The following ACSS3 variants were observed in gnomAD, a reference collection of about 807,000 sequenced individuals.
ACSS3 encodes the protein acyl-CoA synthetase short chain family member 3.
Under a neutral mutation model 84.2 loss-of-function variants are expected in ACSS3, and 64 were observed. The observed-to-expected ratio is 0.76, with a 90% CI of 0.62 to 0.94. ACSS3 has a LOEUF of 0.94. Ranked by LOEUF, ACSS3 falls within the 40% of genes least tolerant of loss-of-function variation. The pLI is 0.00. For missense variants in ACSS3, 815 were observed against 867.6 expected (o/e 0.94, Z 0.76); for synonymous variants, 317 against 310.1 (o/e 1.02, Z -0.23).
chr12:81,182,936 G>C (rs2031035012), intron 8 of ACSS3, among the ~76,000 whole-genome samples: 1 of 152,060 alleles, frequency 6.6e-6, no homozygotes, highest in African/African-American at 2.4e-5. Flanking sequence ...TTTCTTAGAA[G>C]CTTCAGGACA....
chr12:81,224,962 G>A (rs764569584), intron 11 of ACSS3, among the ~76,000 whole-genome samples: 1 of 151,766 alleles, frequency 6.6e-6, no homozygotes, highest in Non-Finnish European at 1.5e-5. Flanking sequence ...CTGGCATATT[G>A]TTCTAAGTGT....
chr12:81,201,238 T>C (rs1446899933), intron 9 of ACSS3, among the ~76,000 whole-genome samples: 1 of 152,236 alleles, frequency 6.6e-6, no homozygotes, highest in Non-Finnish European at 1.5e-5. Context: ...TTAACAGTTA[T>C]TTTCTTGGTC....
At chr12:81,224,792 C>G (rs971621559) in intron 11 of ACSS3, among the ~76,000 whole-genome samples, 1 of 151,886 alleles carries the variant, frequency 6.6e-6, no homozygotes, top group African/African-American at 2.4e-5. Context: ...GGATGTGAAT[C>G]AGCCCTTTGT....
At chr12:81,253,199 C>G (rs926103658) in intron 13 of ACSS3, 108 bp from the exon 14 acceptor site, 109 of 1,221,490 alleles carry the variant, frequency 8.9e-5, no homozygotes, top group Middle Eastern at 6.3e-4. Context: ...TTTTCCCCAA[C>G]TGAAATTATA....
At chr12:81,120,640 C>A (rs141360563) in intron 2 of ACSS3, among the ~76,000 whole-genome samples, 1 of 152,174 alleles carries the variant, frequency 6.6e-6, no homozygotes, top group African/African-American at 2.4e-5. Flanking sequence ...AAATACATAG[C>A]TATGAAAAAT....
chr12:81,165,585 G>A (rs12815422), intron 7 of ACSS3, among the ~76,000 whole-genome samples: 9 of 151,784 alleles, frequency 5.9e-5, no homozygotes, highest in African/African-American at 2.2e-4. Context: ...GGTGGAGTTC[G>A]CAGTGAACCA....
At chr12:81,207,469 C>A (rs1474185029) in intron 9 of ACSS3, among the ~76,000 whole-genome samples, 1 of 152,160 alleles carries the variant, frequency 6.6e-6, no homozygotes, top group Non-Finnish European at 1.5e-5. Context: ...AATCCTTGAT[C>A]TTAAGTTTCC....
At chr12:81,245,791 GTTTT>G (rs955252988) in intron 13 of ACSS3, among the ~76,000 whole-genome samples, 8 of 152,012 alleles carry the variant, frequency 5.3e-5, no homozygotes, top group African/African-American at 1.7e-4. Flanking sequence ...TTCTGTTATT[GTTTT>G]TTATTTTTTT....
intron 1 of ACSS3, among the ~76,000 whole-genome samples, chr12:81,105,080 T>G (rs1483537556): frequency 6.6e-6 from 1 of 152,026 alleles, no homozygotes; most frequent in African/African-American, 2.4e-5. Flanking sequence ...GATCCAAAAA[T>G]TATGCGTTAT....
chr12:81,105,638 G>T (rs1426586183), intron 1 of ACSS3, among the ~76,000 whole-genome samples: 1 of 152,178 alleles, frequency 6.6e-6, no homozygotes, highest in East Asian at 1.9e-4. Context: ...TATGCTTCTT[G>T]AAAGTTTAGT....
At chr12:81,115,529 G>A (rs770652002) in intron 2 of ACSS3, among the ~76,000 whole-genome samples, 7 of 151,948 alleles carry the variant, frequency 4.6e-5, no homozygotes, top group Non-Finnish European at 8.8e-5. Context: ...TCAAACTCCT[G>A]GGCTCAAGCA....
intron 4 of ACSS3, among the ~76,000 whole-genome samples, chr12:81,141,428 G>A (rs1213290375): frequency 6.6e-6 from 1 of 152,118 alleles, no homozygotes; most frequent in East Asian, 1.9e-4. Context: ...CTAAGCCTCA[G>A]GCAAACAATG....
At chr12:81,090,446 C>T (rs766274435) in intron 1 of ACSS3, among the ~76,000 whole-genome samples, 11 of 151,902 alleles carry the variant, frequency 7.2e-5, no homozygotes, top group African/African-American at 9.7e-5. Context: ...TTGTGATCTT[C>T]GCAGCAGAAT....
At chr12:81,197,684 G>C (rs979316849) in intron 8 of ACSS3, among the ~76,000 whole-genome samples, 38 of 152,126 alleles carry the variant, frequency 2.5e-4, no homozygotes, top group Non-Finnish European at 5.6e-4. Context: ...CTTCAGAACA[G>C]ACACGTTTTC....
At chr12:81,172,766 G>A (rs2030173680) in intron 7 of ACSS3, among the ~76,000 whole-genome samples, 1 of 152,170 alleles carries the variant, frequency 6.6e-6, no homozygotes, top group Non-Finnish European at 1.5e-5. Flanking sequence ...TGGAGGCACT[G>A]TAAAATACTG....
chr12:81,143,142 T>C lies in ACSS3; in HGVS notation c.816T>C (p.Asp272=). ...CTTTGGCTCCCGGTCGTGACCTTGATTGGGATGAAGAGATGGCAAAAGCCC... is the reference window on the plus strand; with the variant it reads ...CTTTGGCTCCCGGTCGTGACCTTGACTGGGATGAAGAGATGGCAAAAGCCC... ...AVPLAPGRDL[D]WDEEMAKAQS... The change falls in exon 5 of 16, where the codon GAT becomes GAC. Residue 272 remains aspartate (D), a synonymous_variant. Transcript: ENST00000548058. The C allele has an allele frequency of 6.2e-7, 1 of 1,613,668 alleles. No individual in the cohort carries two copies. Among genetic ancestry groups the C allele is most frequent in the Non-Finnish European group, 8.5e-7 (1 of 1,179,666 alleles).
At chr12:81,172,170 G>A (rs1211366168) in intron 7 of ACSS3, among the ~76,000 whole-genome samples, 1 of 143,006 alleles carries the variant, frequency 7.0e-6, no homozygotes, top group Non-Finnish European at 1.5e-5. Context: ...GGAAGCTGAG[G>A]CAGGAGAATC....
intron 1 of ACSS3, among the ~76,000 whole-genome samples, chr12:81,086,030 A>C (rs1264563593): frequency 6.6e-6 from 1 of 152,224 alleles, no homozygotes; most frequent in Admixed American, 6.5e-5. Context: ...TTATGTATCC[A>C]GAAAGCAATT....
chr12:81,172,480 G>A (rs1257212756), intron 7 of ACSS3, among the ~76,000 whole-genome samples: 3 of 151,490 alleles, frequency 2.0e-5, no homozygotes, highest in Admixed American at 2.0e-4. Flanking sequence ...GTAGTATTTC[G>A]GGCATGCACC....
Sources: allele counts gnomAD v4.1 joint callset (sites outside exome capture counted in the v4.1 genomes callset), GRCh38; gene constraint gnomAD v4.1.1; transcripts MANE v1.5; gene names NCBI Gene and HGNC (gene_info 2026-07-23, HGNC 2026-07-21).